Variants in MEIS2 observed in about 807,000 individuals in gnomAD.
MEIS2 encodes Meis homeobox 2.
MEIS2 carries 9 observed loss-of-function variants against 58.6 expected under a neutral mutation model. The ratio of observed to expected loss-of-function variants is 0.15; its 90% CI spans 0.09 to 0.27. The LOEUF (loss-of-function observed/expected upper bound fraction) is 0.27. Among genes scored for constraint, MEIS2 ranks in the 10% least tolerant of loss-of-function variants. The pLI is 1.00. For missense variants in MEIS2, 427 were observed against 635.0 expected, an observed-to-expected ratio of 0.67 and a Z score of 3.52; for synonymous variants, 221 against 228.4, an observed-to-expected ratio of 0.97 and a Z score of 0.29.
intron 8 of MEIS2, among the ~76,000 whole-genome samples, chr15:36,971,288 T>C (rs2059548378): frequency 6.6e-6 from 1 of 152,010 alleles, no homozygotes; most frequent in Non-Finnish European, 1.5e-5. Context: ...TAAGGCACAT[T>C]GTTTTCTGAG....
rs538039521 is a variant in MEIS2, at chr15:36,946,433, A to C, written c.977+3891T>G. Reference sequence around the variant, plus strand: ...ATCAAAGAACTGTAGAAAAAAAAAAAAAAAACTATCATCTGAGAAGCTACA... The same window carrying C: ...ATCAAAGAACTGTAGAAAAAAAAAACAAAAACTATCATCTGAGAAGCTACA... On this transcript the variant is annotated intron_variant, in intron 9 of 11. Transcript: ENST00000561208. Among the ~76,000 whole-genome samples the C allele has an allele frequency of 1.4e-4, 22 of 151,872 alleles. 1 individual carries two copies. In the East Asian group the frequency reaches 4.1e-3, roughly 28 times the overall value.
At chr15:36,953,753 A>G (rs1336040713) in intron 8 of MEIS2, among the ~76,000 whole-genome samples, 2 of 152,224 alleles carry the variant, frequency 1.3e-5, no homozygotes, top group African/African-American at 2.4e-5. Context: ...TAGATAGAAA[A>G]TGTATTGTAA....
In MEIS2 at chr15:36,912,848, G is replaced by GA. The variant is rs397945242; in HGVS notation, c.978-16163dup. On this transcript the variant is annotated intron_variant, in intron 9 of 11. Coordinates refer to ENST00000561208, the MANE Select transcript of MEIS2 (RefSeq NM_170675.5). ...CCACTCCTGAAAAAAAAAAAAAAAA[G>GA]AAAAAAAAGGTGCTAAACTGTCAAA... is the stretch of plus-strand genomic sequence containing the variant. 9.8e-3 allele frequency among the ~76,000 whole-genome samples: 1,351 copies of GA among 138,352 alleles called. 15 individuals are homozygous for GA. Among genetic ancestry groups the GA allele is most frequent in the African/African-American group, 0.032 (1,197 of 37,482 alleles). 90.8% of individuals were successfully genotyped at this position (138,352 alleles called of 152,430 possible).
At chr15:37,040,056 T>TG (rs947857827) in intron 7 of MEIS2, among the ~76,000 whole-genome samples, 108 of 151,178 alleles carry the variant, frequency 7.1e-4, no homozygotes, top group African/African-American at 1.3e-3. Flanking sequence ...TGTTTTTTTT[T>TG]TTTTGTTTTA....
At chr15:36,930,403 C>T (rs573421633) in intron 9 of MEIS2, among the ~76,000 whole-genome samples, 45 of 152,174 alleles carry the variant, frequency 3.0e-4, no homozygotes, top group African/African-American at 1.1e-3. Context: ...TGGCAAGGGT[C>T]ACTAAGCCAT....
At chr15:37,055,534 GCCACCACCA>G (rs994936061) in intron 7 of MEIS2, among the ~76,000 whole-genome samples, 30 of 152,214 alleles carry the variant, frequency 2.0e-4, no homozygotes, top group African/African-American at 6.7e-4. Context: ...CACTGCCACA[GCCACCACCA>G]CCTTCAACCT....
In MEIS2 at chr15:36,892,007, T is replaced by G. The variant is rs2055884354; in HGVS notation, c.*166A>C. The G allele has an allele frequency of 1.4e-6, 1 of 724,920 alleles. No individual in the cohort carries two copies. The highest frequency in any genetic ancestry group is 2.3e-6 in the Non-Finnish European group (1 of 426,668). The allele number at this position is 724,920 out of a possible 1,614,324, so 44.9% of individuals were successfully genotyped here. A position where few individuals can be genotyped will look rare whatever the true frequency, so the allele number is the denominator to read the frequency against. On this transcript the variant is annotated 3_prime_UTR_variant, in exon 12 of 12. Transcript: ENST00000561208. Reference sequence around the variant, plus strand: ...CTCAGTCAGCCCATGATTTCACATTTGTGTTCTTGTTGCATTGGTCCTCTG... The same window carrying G: ...CTCAGTCAGCCCATGATTTCACATTGGTGTTCTTGTTGCATTGGTCCTCTG...
At chr15:37,081,421 C>G (rs1205518194) in intron 7 of MEIS2, among the ~76,000 whole-genome samples, 1 of 152,096 alleles carries the variant, frequency 6.6e-6, no homozygotes, top group African/African-American at 2.4e-5. Flanking sequence ...TGACTTTGCC[C>G]TGAAGCAGAT....
chr15:37,063,341 C>T lies in MEIS2; in HGVS notation c.754+20430G>A, dbSNP rs372288068. On this transcript the variant is annotated intron_variant, in intron 7 of 11. Coordinates refer to ENST00000561208, the MANE Select transcript of MEIS2 (RefSeq NM_170675.5). ...CTACTGTGCAGGACTGCTAGGTATC[C>T]GACATCATTTGACAACTTTTCTTGC... Among the ~76,000 whole-genome samples, 103 of 152,192 alleles carry T rather than the reference C, an allele frequency of 6.8e-4. 1 individual carries two copies. The East Asian group carries it at 0.014, about 20-fold the overall frequency.
rs950326501 is a variant in MEIS2 at position 37,036,663 on chromosome 15, GA to G, written c.900+150del. 519 of 745,320 alleles carry G rather than the reference GA, an allele frequency of 7.0e-4. 2 individuals are homozygous for G. Among genetic ancestry groups the G allele is most frequent in the Admixed American group, 6.6e-3 (181 of 27,612 alleles). The allele number at this position is 745,320 out of a possible 1,614,324, so 46.2% of individuals were successfully genotyped here. A position where few individuals can be genotyped will look rare whatever the true frequency, so the allele number is the denominator to read the frequency against. ...TGCTCTTTGGATGGTAATAGTTGATGAAAAAAAAAACTTTAACTAGTCTGTT... is the reference window on the plus strand; with the variant it reads ...TGCTCTTTGGATGGTAATAGTTGATGAAAAAAAAACTTTAACTAGTCTGTT... On this transcript the variant is annotated intron_variant, in intron 8 of 11. Coordinates refer to ENST00000561208, the MANE Select transcript of MEIS2 (RefSeq NM_170675.5).
intron 4 of MEIS2, chr15:37,094,993 T>C (rs1894029669): frequency 1.3e-5 from 2 of 157,322 alleles, no homozygotes; most frequent in African/African-American, 4.8e-5. Context: ...AAAAAGCTTT[T>C]TAGAACAGCA....
chr15:36,916,912 G>A (rs2057304425), intron 9 of MEIS2, among the ~76,000 whole-genome samples: 1 of 152,168 alleles, frequency 6.6e-6, no homozygotes, highest in African/African-American at 2.4e-5. Context: ...TTTCTGGTTG[G>A]GGAAACTGAG....
intron 7 of MEIS2, 110 bp downstream of exon 7, chr15:37,083,661 C>A: frequency 1.3e-6 from 1 of 753,336 alleles, no homozygotes. Flanking sequence ...ATTCTACTCC[C>A]TAACCTGCCA....
chr15:37,061,471 A>G (rs562867043), intron 7 of MEIS2, among the ~76,000 whole-genome samples: 1 of 152,352 alleles, frequency 6.6e-6, no homozygotes, highest in Non-Finnish European at 1.5e-5. Flanking sequence ...TATCTTTAAC[A>G]TATAGGTCTT....
At chr15:36,985,641 T>A (rs1304860821) in intron 8 of MEIS2, among the ~76,000 whole-genome samples, 1 of 152,184 alleles carries the variant, frequency 6.6e-6, no homozygotes, top group Non-Finnish European at 1.5e-5. Context: ...CTTATAAGGA[T>A]TGTATTTATT....
At chr15:36,996,038 CACACACACATATATATAT>C (rs1281521554) in intron 8 of MEIS2, among the ~76,000 whole-genome samples, 4 of 103,970 alleles carry the variant, frequency 3.8e-5, no homozygotes, top group African/African-American at 9.1e-5. Flanking sequence ...TATATACACA[CACACACACATATATATAT>C]ACACACACAT....
chr15:37,012,984 C>T (rs2061215792), intron 8 of MEIS2, among the ~76,000 whole-genome samples: 1 of 152,002 alleles, frequency 6.6e-6, no homozygotes, highest in South Asian at 2.1e-4. Context: ...TTTTAAAAGG[C>T]ATGAAATTAT....
At chr15:36,903,279 C>G (rs2056569819) in intron 9 of MEIS2, among the ~76,000 whole-genome samples, 1 of 152,096 alleles carries the variant, frequency 6.6e-6, no homozygotes, top group Admixed American at 6.6e-5. Context: ...ATTTATCATG[C>G]ACTATAAAAG....
intron 8 of MEIS2, among the ~76,000 whole-genome samples, chr15:36,954,457 TTATA>T (rs971715939): frequency 1.2e-4 from 18 of 147,848 alleles, no homozygotes; most frequent in Non-Finnish European, 1.9e-4. Flanking sequence ...TTAATTGTAA[TTATA>T]TATAATTATA....
Sources: gnomAD v4.1 joint callset for allele counts (sites outside exome capture counted in the v4.1 genomes callset) on GRCh38, gnomAD v4.1.1 for gene constraint, MANE v1.5 for transcripts, NCBI Gene and HGNC (gene_info 2026-07-23, HGNC 2026-07-21) for gene names.